Variants in GNA14 observed in about 807,000 individuals in gnomAD.
GNA14 encodes the protein guanine nucleotide-binding protein subunit alpha-14.
A neutral mutation model predicts 42.0 loss-of-function variants in GNA14; 50 were observed. That is an observed-to-expected ratio of 1.19 (90% CI 0.95 to 1.51). The LOEUF (loss-of-function observed/expected upper bound fraction) is 1.51, where lower values mean the gene tolerates loss of function less well. Among genes scored for constraint, GNA14 ranks in the 40% most tolerant of loss-of-function variants. GNA14 has a pLI of 0.00. For synonymous variants in GNA14, 173 were observed against 163.1 expected, an observed-to-expected ratio of 1.06 and a Z score of -0.46; for missense variants, 473 against 446.2, an observed-to-expected ratio of 1.06 and a Z score of -0.54.
intron 2 of GNA14, among the ~76,000 whole-genome samples, chr9:77,487,034 G>C (rs62571536): frequency 6.8e-6 from 1 of 147,396 alleles, no homozygotes; most frequent in Non-Finnish European, 1.5e-5. Flanking sequence ...AAAAAAAAAG[G>C]CAATATATAT....
intron 1 of GNA14, among the ~76,000 whole-genome samples, chr9:77,541,063 T>C (rs1837654833): frequency 6.6e-6 from 1 of 152,162 alleles, no homozygotes; most frequent in Admixed American, 6.5e-5. Context: ...TTGGTAATTT[T>C]ATGTAGTAGT....
intron 1 of GNA14, among the ~76,000 whole-genome samples, chr9:77,607,473 C>T (rs960626544): frequency 6.6e-6 from 1 of 152,106 alleles, no homozygotes; most frequent in African/African-American, 2.4e-5. Context: ...CATGCTAGGT[C>T]TAACATTATA....
At chr9:77,549,987 G>A (rs1249291065) in intron 1 of GNA14, among the ~76,000 whole-genome samples, 4 of 152,168 alleles carry the variant, frequency 2.6e-5, no homozygotes, top group Non-Finnish European at 5.9e-5. Flanking sequence ...TGGTGTACAT[G>A]TCACTAAATC....
intron 1 of GNA14, among the ~76,000 whole-genome samples, chr9:77,641,132 GGAAGGAAGGAAGGAAGGA>G: frequency 1.0e-5 from 1 of 95,882 alleles, no homozygotes; most frequent in Admixed American, 1.3e-4. Flanking sequence ...AAGGAAGGAA[GGAAGGAAGGAAGGAAGGA>G]AGGAAGGAAG....
intron 1 of GNA14, among the ~76,000 whole-genome samples, chr9:77,625,590 T>C (rs1203919589): frequency 6.6e-6 from 1 of 152,180 alleles, no homozygotes; most frequent in East Asian, 1.9e-4. Flanking sequence ...TCAACATTTT[T>C]AAAGAAAAGA....
chr9:77,641,104 GGAAGGAAGGAA>G (rs1824258055), intron 1 of GNA14, among the ~76,000 whole-genome samples: 1 of 2,078 alleles, frequency 4.8e-4, no homozygotes, highest in South Asian at 0.038. Flanking sequence ...GGGGGGGGAA[GGAAGGAAGGAA>G]GGAAGGAAGG....
intron 1 of GNA14, among the ~76,000 whole-genome samples, chr9:77,591,912 TTTTTGG>T (rs1006854813): frequency 1.1e-4 from 13 of 118,940 alleles, no homozygotes; most frequent in Non-Finnish European, 1.6e-4. Context: ...CGTTTTTTGT[TTTTTGG>T]TTTTTTTTTT....
chr9:77,458,351 A>G (rs1183006981), intron 2 of GNA14, among the ~76,000 whole-genome samples: 1 of 152,174 alleles, frequency 6.6e-6, no homozygotes, highest in African/African-American at 2.4e-5. Context: ...ATGTGGAAGC[A>G]GTGGATGTTC....
intron 2 of GNA14, among the ~76,000 whole-genome samples, chr9:77,490,146 G>A (rs961631226): frequency 5.3e-5 from 8 of 152,198 alleles, no homozygotes; most frequent in African/African-American, 1.9e-4. Context: ...CAATCCCTGA[G>A]CTAGACATAA....
intron 1 of GNA14, among the ~76,000 whole-genome samples, chr9:77,636,031 G>A (rs945792487): frequency 1.3e-5 from 2 of 152,166 alleles, no homozygotes; most frequent in Non-Finnish European, 2.9e-5. Flanking sequence ...TCTAAACACA[G>A]GTGCATTTTG....
Position 77,428,896 on chromosome 9 carries a change from G to A in GNA14, c.723+11C>T, listed in dbSNP as rs191929699. ...GCTTCCACAGCTACCCAAACTTCCC[G>A]CCCAGCATACCTCGTTGTCACACTC... On this transcript the variant is annotated intron_variant, in intron 5 of 6. Coordinates refer to ENST00000341700, the MANE Select transcript of GNA14 (RefSeq NM_004297.4). 4.4e-5 allele frequency: 71 copies of A among 1,611,740 alleles called. No individual in the cohort carries two copies. Among genetic ancestry groups the A allele is most frequent in the African/African-American group, 3.9e-4 (29 of 74,896 alleles).
At chr9:77,583,523 T>C (rs775117625) in intron 1 of GNA14, among the ~76,000 whole-genome samples, 1 of 152,228 alleles carries the variant, frequency 6.6e-6, no homozygotes, top group Non-Finnish European at 1.5e-5. Flanking sequence ...GTTGGGACTT[T>C]TTAAAACTCT....
chr9:77,469,387 A>G (rs1175519607), intron 2 of GNA14, among the ~76,000 whole-genome samples: 1 of 140,648 alleles, frequency 7.1e-6, no homozygotes, highest in African/African-American at 2.8e-5. Flanking sequence ...AAAAAAAAAA[A>G]AGAACTTTCC....
At chr9:77,514,351 G>C (rs1357387443) in intron 2 of GNA14, among the ~76,000 whole-genome samples, 1 of 151,970 alleles carries the variant, frequency 6.6e-6, no homozygotes, top group Middle Eastern at 3.2e-3. Context: ...GATACCTTTG[G>C]GTTCATAATA....
chr9:77,493,021 A>T (rs1382515911), intron 2 of GNA14, among the ~76,000 whole-genome samples: 2 of 117,106 alleles, frequency 1.7e-5, no homozygotes, highest in African/African-American at 3.5e-5. Flanking sequence ...AAAAAAAAAA[A>T]AAAAAATATA....
intron 2 of GNA14, among the ~76,000 whole-genome samples, chr9:77,463,419 A>G (rs1455194221): frequency 1.3e-5 from 2 of 152,248 alleles, no homozygotes; most frequent in Non-Finnish European, 2.9e-5. Context: ...ATGTTGTATT[A>G]TATGTGGACC....
At chr9:77,489,748 G>A (rs551124431) in intron 2 of GNA14, among the ~76,000 whole-genome samples, 71 of 152,210 alleles carry the variant, frequency 4.7e-4, no homozygotes, top group African/African-American at 1.5e-3. Flanking sequence ...CATTTCTCCC[G>A]GTGGGCTCGT....
chr9:77,434,609 G>T, intron 2 of GNA14, 87 bp from the exon 3 acceptor site: 1 of 1,233,132 alleles, frequency 8.1e-7, no homozygotes, highest in Non-Finnish European at 1.1e-6. Context: ...GCCCTGGTCT[G>T]TGGATTTGGA....
rs371984543 is a variant in GNA14, at chr9:77,458,904, A to G, written c.310-24382T>C. 1.4e-3 allele frequency among the ~76,000 whole-genome samples: 191 copies of G among 134,462 alleles called. 2 individuals are homozygous for G. The South Asian group carries it at 0.016, about 12-fold the overall frequency. The allele number at this position is 134,462 out of a possible 152,430, so 88.2% of individuals were successfully genotyped here. A position where few individuals can be genotyped will look rare whatever the true frequency, so the allele number is the denominator to read the frequency against. Reference sequence around the variant, plus strand: ...CTAAGCTCCTTTTATCACAAGCTGGAGGGGGGGGGGTTGTCCTCTTCTCCC... The same window carrying G: ...CTAAGCTCCTTTTATCACAAGCTGGGGGGGGGGGGGTTGTCCTCTTCTCCC... On this transcript the variant is annotated intron_variant, in intron 2 of 6. Coordinates refer to ENST00000341700, the MANE Select transcript of GNA14 (RefSeq NM_004297.4).
Sources: allele counts gnomAD v4.1 joint callset (sites outside exome capture counted in the v4.1 genomes callset), GRCh38; gene constraint gnomAD v4.1.1; transcripts MANE v1.5; gene names NCBI Gene and HGNC (gene_info 2026-07-23, HGNC 2026-07-21).